Variants in PLXDC2 observed in about 807,000 individuals in gnomAD.
The protein encoded by PLXDC2 is plexin domain-containing protein 2.
A neutral mutation model predicts 68.9 loss-of-function variants in PLXDC2; 40 were observed. The ratio of observed to expected loss-of-function variants is 0.58; its 90% confidence interval spans 0.45 to 0.76. The LOEUF is 0.76. Ranked by LOEUF, PLXDC2 falls within the 30% of genes least tolerant of loss-of-function variation. PLXDC2 has a pLI of 0.00. For missense variants in PLXDC2, 644 were observed against 661.9 expected, an observed-to-expected ratio of 0.97 and a Z score of 0.30; for synonymous variants, 243 against 234.2, an observed-to-expected ratio of 1.04 and a Z score of -0.34.
chr10:19,825,467 T>G (rs181550819), intron 1 of PLXDC2, among the ~76,000 whole-genome samples: 1 of 152,286 alleles, frequency 6.6e-6, no homozygotes, highest in African/African-American at 2.4e-5. Context: ...CTCTGGTTCA[T>G]TTTGCTTAGG....
intron 1 of PLXDC2, among the ~76,000 whole-genome samples, chr10:19,994,704 C>T (rs12782098): frequency 0.22 from 33,960 of 151,402 alleles, 4,663 homozygotes; most frequent in Non-Finnish European, 0.33. Flanking sequence ...AAGACACCGT[C>T]TCAGATGAGC....
intron 5 of PLXDC2, 84 bp downstream of exon 5, chr10:20,143,501 G>T (rs1411448215): frequency 1.3e-6 from 2 of 1,554,428 alleles, no homozygotes; most frequent in African/African-American, 2.7e-5. Flanking sequence ...TTTGTAAACT[G>T]TTTATTTTTT....
rs190648047 is a variant in PLXDC2, at chr10:20,186,517, A to G, written c.1061+9108A>G. ...ATGTGGATTATTTTGTCATCCAGGT[A>G]CTAAGCCTACCAACCAATAGTTACT... On this transcript the variant is annotated intron_variant, in intron 9 of 13. Coordinates refer to ENST00000377252, the MANE Select transcript of PLXDC2 (RefSeq NM_032812.9). Among the ~76,000 whole-genome samples the G allele has an allele frequency of 2.1e-3, 313 of 151,934 alleles. 2 individuals carry two copies. The highest frequency in any genetic ancestry group is 3.1e-3 in the Non-Finnish European group (209 of 67,886).
intron 1 of PLXDC2, among the ~76,000 whole-genome samples, chr10:19,874,397 T>G (rs1193289624): frequency 6.6e-6 from 1 of 152,200 alleles, no homozygotes; most frequent in Non-Finnish European, 1.5e-5. Context: ...AATAGAGTCT[T>G]CCTAAGTTCC....
chr10:20,081,001 G>A (rs924609640), intron 4 of PLXDC2, among the ~76,000 whole-genome samples: 2 of 152,176 alleles, frequency 1.3e-5, no homozygotes, highest in Admixed American at 1.3e-4. Flanking sequence ...ACTTCTGTGG[G>A]CTTGAGCCCC....
chr10:19,823,902 G>A (rs1416255055), intron 1 of PLXDC2, among the ~76,000 whole-genome samples: 1 of 152,100 alleles, frequency 6.6e-6, no homozygotes, highest in Non-Finnish European at 1.5e-5. Flanking sequence ...CAGCTACTTG[G>A]TAGGCTGAGG....
chr10:20,099,705 ATC>A (rs1345716682), intron 4 of PLXDC2, among the ~76,000 whole-genome samples: 1 of 152,220 alleles, frequency 6.6e-6, no homozygotes, highest in African/African-American at 2.4e-5. Context: ...ACTTGAAAAG[ATC>A]TGCTAGAAAG....
chr10:20,271,244 C>T (rs117036821), intron 13 of PLXDC2, among the ~76,000 whole-genome samples: 6 of 151,782 alleles, frequency 4.0e-5, no homozygotes, highest in African/African-American at 1.2e-4. Context: ...AGACAGGCAG[C>T]AGTGTAAAGT....
intron 1 of PLXDC2, among the ~76,000 whole-genome samples, chr10:19,949,276 A>G (rs747932557): frequency 1.3e-5 from 2 of 152,144 alleles, no homozygotes; most frequent in Non-Finnish European, 2.9e-5. Flanking sequence ...CAAAATACTC[A>G]TTCTTGGGTG....
intron 1 of PLXDC2, among the ~76,000 whole-genome samples, chr10:19,822,818 A>G (rs1836495216): frequency 6.6e-6 from 1 of 152,050 alleles, no homozygotes; most frequent in African/African-American, 2.4e-5. Context: ...TGCCTATTTT[A>G]ATATCAGTTA....
intron 4 of PLXDC2, among the ~76,000 whole-genome samples, chr10:20,121,060 G>A (rs1246296037): frequency 3.9e-5 from 6 of 152,284 alleles, no homozygotes; most frequent in East Asian, 1.9e-4. Context: ...ATTGAAGTCC[G>A]GGCCAGGAAC....
chr10:20,008,445 C>T (rs921510110), intron 2 of PLXDC2, among the ~76,000 whole-genome samples: 2 of 152,008 alleles, frequency 1.3e-5, no homozygotes, highest in Non-Finnish European at 2.9e-5. Context: ...CCCAGATACT[C>T]GAGAGGCTGA....
intron 12 of PLXDC2, among the ~76,000 whole-genome samples, chr10:20,238,483 C>T (rs1016201459): frequency 6.7e-6 from 1 of 150,064 alleles, no homozygotes; most frequent in Non-Finnish European, 1.5e-5. Flanking sequence ...CCCGTCTCTA[C>T]TAAAAACACA....
intron 1 of PLXDC2, among the ~76,000 whole-genome samples, chr10:19,978,844 A>G (rs7100750): frequency 1.3e-5 from 2 of 152,208 alleles, no homozygotes; most frequent in African/African-American, 2.4e-5. Flanking sequence ...ATGATAGTTT[A>G]TTGATTACTC....
intron 1 of PLXDC2, among the ~76,000 whole-genome samples, chr10:19,950,598 T>C (rs896527897): frequency 2.6e-5 from 4 of 152,164 alleles, no homozygotes; most frequent in African/African-American, 9.7e-5. Context: ...CAGATTCAAC[T>C]CTATTCCTAT....
chr10:19,835,610 C>T (rs1772569769), intron 1 of PLXDC2, among the ~76,000 whole-genome samples: 1 of 152,004 alleles, frequency 6.6e-6, no homozygotes, highest in African/African-American at 2.4e-5. Context: ...CAGGAATAAT[C>T]AGAGAAGAGC....
chr10:20,257,997 C>CTTTTTTTTTTTT (rs550997528), intron 13 of PLXDC2, among the ~76,000 whole-genome samples: 92 of 84,160 alleles, frequency 1.1e-3, no homozygotes, highest in Non-Finnish European at 1.5e-3. Flanking sequence ...TTTTTTCTTT[C>CTTTTTTTTTTTT]TTTTTTTTTT....
At chr10:20,250,987 A>G (rs1835668179) in intron 13 of PLXDC2, among the ~76,000 whole-genome samples, 1 of 152,124 alleles carries the variant, frequency 6.6e-6, no homozygotes, top group Non-Finnish European at 1.5e-5. Flanking sequence ...TAGCTTTTAG[A>G]TTTCTTACTG....
chr10:19,868,985 A>G (rs1837479949), intron 1 of PLXDC2, among the ~76,000 whole-genome samples: 1 of 152,194 alleles, frequency 6.6e-6, no homozygotes, highest in Non-Finnish European at 1.5e-5. Flanking sequence ...AAAATATGCT[A>G]GCACCTTCTG....
Sources: gnomAD v4.1 joint callset for allele counts (sites outside exome capture counted in the v4.1 genomes callset) on GRCh38, gnomAD v4.1.1 for gene constraint, MANE v1.5 for transcripts, NCBI Gene and HGNC (gene_info 2026-07-23, HGNC 2026-07-21) for gene names.